KCNAB1: variants seen among roughly 807,000 people sequenced by gnomAD.
KCNAB1 encodes the protein potassium voltage-gated channel subfamily A regulatory beta subunit 1, also known as voltage-gated potassium channel subunit beta-1.
In KCNAB1, 35 loss-of-function variants were observed where a neutral mutation model predicts 64.6. The ratio of observed to expected loss-of-function variants is 0.54; its 90% CI spans 0.41 to 0.72. The LOEUF is 0.72. Among genes scored for constraint, KCNAB1 ranks in the 30% least tolerant of loss-of-function variants. The pLI, the probability that KCNAB1 is intolerant of heterozygous loss-of-function variation, is 0.00. For missense variants in KCNAB1, 401 were observed against 512.9 expected, an observed-to-expected ratio of 0.78 and a Z score of 2.11; for synonymous variants, 177 against 183.8, an observed-to-expected ratio of 0.96 and a Z score of 0.30.
intron 1 of KCNAB1, among the ~76,000 whole-genome samples, chr3:156,419,381 G>C (rs1715313792): frequency 6.6e-6 from 1 of 151,808 alleles, no homozygotes; most frequent in Admixed American, 6.6e-5. Context: ...GGTGCCTGTA[G>C]TCCCAGCTAC....
intron 1 of KCNAB1, among the ~76,000 whole-genome samples, chr3:156,285,717 G>C (rs1720063483): frequency 6.6e-6 from 1 of 150,522 alleles, no homozygotes; most frequent in African/African-American, 2.5e-5. Context: ...TGCCCAGGCT[G>C]GTCTCCAACT....
intron 1 of KCNAB1, among the ~76,000 whole-genome samples, chr3:156,227,046 T>G (rs1192979489): frequency 2.0e-5 from 3 of 152,216 alleles, no homozygotes; most frequent in South Asian, 2.1e-4. Context: ...CAACTATAGA[T>G]TTTTTACAAA....
At chr3:156,313,233 A>G (rs1722044565) in intron 1 of KCNAB1, among the ~76,000 whole-genome samples, 1 of 152,204 alleles carries the variant, frequency 6.6e-6, no homozygotes, top group Admixed American at 6.5e-5. Flanking sequence ...TGGATTCAAT[A>G]TTAAAATGGA....
At chr3:156,440,399 T>C (rs921203932) in intron 2 of KCNAB1, among the ~76,000 whole-genome samples, 3 of 152,260 alleles carry the variant, frequency 2.0e-5, no homozygotes, top group Non-Finnish European at 2.9e-5. Flanking sequence ...CCAGCATTCT[T>C]ACAATGGAAA....
intron 1 of KCNAB1, among the ~76,000 whole-genome samples, chr3:156,242,075 T>A (rs1426722324): frequency 6.6e-6 from 1 of 152,234 alleles, no homozygotes; most frequent in Non-Finnish European, 1.5e-5. Flanking sequence ...AATCTCTTTT[T>A]GGCTCTACTA....
chr3:156,494,598 T>C (rs1330591161), intron 8 of KCNAB1, among the ~76,000 whole-genome samples: 1 of 152,148 alleles, frequency 6.6e-6, no homozygotes, highest in Non-Finnish European at 1.5e-5. Flanking sequence ...TTGAAAGAGA[T>C]TCACGTGTGA....
intron 1 of KCNAB1, among the ~76,000 whole-genome samples, chr3:156,329,789 C>T (rs1366335875): frequency 6.6e-6 from 1 of 152,152 alleles, no homozygotes; most frequent in Non-Finnish European, 1.5e-5. Context: ...AGACTCTTAG[C>T]AAATGTGGGT....
At chr3:156,280,589 C>T (rs1719649253) in intron 1 of KCNAB1, among the ~76,000 whole-genome samples, 1 of 146,810 alleles carries the variant, frequency 6.8e-6, no homozygotes, top group Non-Finnish European at 1.5e-5. Flanking sequence ...ATTGATTCTT[C>T]CTACCCATGA....
At chr3:156,292,450 T>C (rs1392218605) in intron 1 of KCNAB1, among the ~76,000 whole-genome samples, 2 of 152,156 alleles carry the variant, frequency 1.3e-5, no homozygotes, top group South Asian at 4.1e-4. Context: ...GTAGCAAATG[T>C]GTTTGTTCTA....
chr3:156,291,362 C>T (rs1720400965), intron 1 of KCNAB1: 2 of 994,640 alleles, frequency 2.0e-6, no homozygotes, highest in Admixed American at 5.5e-5. Flanking sequence ...CGAGGGGACC[C>T]GCTTGCGATT....
intron 1 of KCNAB1, among the ~76,000 whole-genome samples, chr3:156,268,547 T>G (rs1718850882): frequency 6.6e-6 from 1 of 152,212 alleles, no homozygotes; most frequent in South Asian, 2.1e-4. Flanking sequence ...TTGCCTATCT[T>G]TTGGATAAAA....
At chr3:156,304,934 A>G (rs1028392384) in intron 1 of KCNAB1, among the ~76,000 whole-genome samples, 1 of 152,162 alleles carries the variant, frequency 6.6e-6, no homozygotes, top group African/African-American at 2.4e-5. Context: ...TCCATAATTT[A>G]TATCGAGTAT....
chr3:156,143,247 A>G (rs752052047), intron 1 of KCNAB1: 8 of 1,613,926 alleles, frequency 5.0e-6, no homozygotes, highest in Non-Finnish European at 5.1e-6. Flanking sequence ...AATCCAGTGA[A>G]TCGGCTCTAA....
intron 3 of KCNAB1, among the ~76,000 whole-genome samples, chr3:156,453,816 C>T (rs1326964218): frequency 2.6e-5 from 4 of 152,052 alleles, no homozygotes; most frequent in Admixed American, 6.6e-5. Context: ...TACCATTGAC[C>T]GACCTGGTTT....
At chr3:156,281,089 T>C (rs1306746178) in intron 1 of KCNAB1, among the ~76,000 whole-genome samples, 1 of 151,430 alleles carries the variant, frequency 6.6e-6, no homozygotes, top group African/African-American at 2.4e-5. Flanking sequence ...CAGTATGATA[T>C]TGGCTGTGGG....
chr3:156,444,890 A>C (rs950686637), intron 2 of KCNAB1, among the ~76,000 whole-genome samples: 2 of 152,248 alleles, frequency 1.3e-5, no homozygotes, highest in African/African-American at 4.8e-5. Context: ...TTTAAATCCC[A>C]GCTTTTACTC....
chr3:156,518,178 T>C (rs1212688186), intron 11 of KCNAB1, among the ~76,000 whole-genome samples: 1 of 152,236 alleles, frequency 6.6e-6, no homozygotes, highest in African/African-American at 2.4e-5. Context: ...AATATTTCTA[T>C]TGGTGACTTT....
intron 1 of KCNAB1, among the ~76,000 whole-genome samples, chr3:156,381,555 C>T (rs1712159176): frequency 6.6e-6 from 1 of 152,204 alleles, no homozygotes. Context: ...AGAGCCTTAT[C>T]ACAAGTTTCT....
At chr3:156,261,975 G>C (rs1275536919) in intron 1 of KCNAB1, among the ~76,000 whole-genome samples, 1 of 151,724 alleles carries the variant, frequency 6.6e-6, no homozygotes, top group Non-Finnish European at 1.5e-5. Context: ...GATTCATTTT[G>C]ATGTTTTTAT....
Sources: gnomAD v4.1 joint callset for allele counts (sites outside exome capture counted in the v4.1 genomes callset) on GRCh38, gnomAD v4.1.1 for gene constraint, MANE v1.5 for transcripts, NCBI Gene and HGNC (gene_info 2026-07-23, HGNC 2026-07-21) for gene names.